The following GMDS variants were observed in gnomAD, a reference collection of about 807,000 sequenced individuals.
GMDS encodes GDP-mannose 4,6-dehydratase.
GMDS carries 20 observed loss-of-function variants against 49.9 expected under a neutral mutation model. The ratio of observed to expected loss-of-function variants is 0.40; its 90% CI spans 0.28 to 0.58. The LOEUF (loss-of-function observed/expected upper bound fraction) is 0.58, where lower values mean the gene tolerates loss of function less well. GMDS is among the 20% of genes least tolerant of loss of function. The pLI, the probability that GMDS is intolerant of heterozygous loss-of-function variation, is 0.42. For synonymous variants in GMDS, 177 were observed against 178.6 expected, an observed-to-expected ratio of 0.99 and a Z score of 0.07; for missense variants, 362 against 481.4, an observed-to-expected ratio of 0.75 and a Z score of 2.32.
intron 7 of GMDS, among the ~76,000 whole-genome samples, chr6:1,813,807 C>T (rs556165104): frequency 2.0e-5 from 3 of 152,136 alleles, no homozygotes; most frequent in East Asian, 3.9e-4. Flanking sequence ...CAACTAAATA[C>T]AGAATTATCC....
intron 7 of GMDS, among the ~76,000 whole-genome samples, chr6:1,903,176 G>A (rs1052070214): frequency 6.6e-6 from 1 of 152,164 alleles, no homozygotes; most frequent in African/African-American, 2.4e-5. Context: ...ATTAGTCTTT[G>A]ATGATGTCTT....
At chr6:2,138,326 T>C (rs184580546) in intron 1 of GMDS, among the ~76,000 whole-genome samples, 1 of 152,310 alleles carries the variant, frequency 6.6e-6, no homozygotes, top group Non-Finnish European at 1.5e-5. Context: ...TTTTGTGAAA[T>C]ATATTTTTGT....
intron 1 of GMDS, among the ~76,000 whole-genome samples, chr6:2,137,756 C>T (rs1400636974): frequency 6.6e-6 from 1 of 152,164 alleles, no homozygotes; most frequent in African/African-American, 2.4e-5. Flanking sequence ...TCCAGGACTC[C>T]ACCAACAAGT....
intron 7 of GMDS, among the ~76,000 whole-genome samples, chr6:1,792,895 C>A (rs1287896509): frequency 6.6e-6 from 1 of 152,148 alleles, no homozygotes; most frequent in African/African-American, 2.4e-5. Context: ...TTTGTTCATC[C>A]ACTGAGCTGG....
At chr6:2,168,882 A>G (rs1043116279) in intron 1 of GMDS, among the ~76,000 whole-genome samples, 8 of 152,244 alleles carry the variant, frequency 5.3e-5, no homozygotes, top group Non-Finnish European at 7.3e-5. Context: ...CCTTACAGCC[A>G]ACAAAGAACA....
In GMDS at chr6:1,774,969, G is replaced by A. The variant is rs144465398; in HGVS notation, c.772-32383C>T. Among the ~76,000 whole-genome samples the A allele has an allele frequency of 1.3e-3, 197 of 152,306 alleles. 1 individual carries two copies. The highest frequency in any genetic ancestry group is 4.5e-3 in the African/African-American group (185 of 41,568). On this transcript the variant is annotated intron_variant, in intron 7 of 10. Coordinates refer to ENST00000380815, the MANE Select transcript of GMDS (RefSeq NM_001500.4). ...TGAAGGGGATGAGAAATTTCCAAGC[G>A]GAGCCTGCTCGATGGCCTCCTGTCT...
At chr6:2,080,639 T>C (rs1010312321) in intron 4 of GMDS, among the ~76,000 whole-genome samples, 1 of 152,186 alleles carries the variant, frequency 6.6e-6, no homozygotes, top group Non-Finnish European at 1.5e-5. Context: ...TAGTGGAGGC[T>C]GTGGTAACGT....
intron 4 of GMDS, among the ~76,000 whole-genome samples, chr6:1,998,323 C>A (rs1204633199): frequency 6.6e-6 from 1 of 152,010 alleles, no homozygotes; most frequent in Non-Finnish European, 1.5e-5. Flanking sequence ...GCACAAACTC[C>A]TGGTAGAGTT....
At position 1,930,160 on chromosome 6, in the gene GMDS, G is replaced by GT; in HGVS notation, c.713_714insA (p.Phe238LeufsTer29). Reference sequence around the variant, plus strand: ...GTTTGGCATCCAGATTTCCCAAACTGAAACATTCCAGTTGTCCAAGGTAAA... The same window carrying GT: ...GTTTGGCATCCAGATTTCCCAAACTGTAAACATTCCAGTTGTCCAAGGTAAA... On this transcript the variant is annotated frameshift_variant, in exon 7 of 11. Transcript: ENST00000380815. LOFTEE classifies it high-confidence loss of function. The GT allele has an allele frequency of 6.2e-7, 1 of 1,612,748 alleles. No individual in the cohort carries two copies. The highest frequency in any genetic ancestry group is 8.5e-7 in the Non-Finnish European group (1 of 1,178,950).
intron 7 of GMDS, among the ~76,000 whole-genome samples, chr6:1,834,577 T>A (rs1756836322): frequency 6.6e-6 from 1 of 152,220 alleles, no homozygotes; most frequent in Admixed American, 6.5e-5. Context: ...TATGTTAAGC[T>A]TTTAACATAC....
chr6:1,713,831 G>C (rs1374562286), intron 9 of GMDS, among the ~76,000 whole-genome samples: 1 of 152,072 alleles, frequency 6.6e-6, no homozygotes, highest in Non-Finnish European at 1.5e-5. Context: ...CTCACTGTAA[G>C]TTAACAGTTT....
At chr6:2,006,509 T>A (rs931042025) in intron 4 of GMDS, among the ~76,000 whole-genome samples, 1 of 152,032 alleles carries the variant, frequency 6.6e-6, no homozygotes, top group Non-Finnish European at 1.5e-5. Context: ...AAGCGCTGGG[T>A]TCTAAATCTC....
chr6:1,663,461 C>T (rs1461612457), intron 9 of GMDS, among the ~76,000 whole-genome samples: 1 of 152,192 alleles, frequency 6.6e-6, no homozygotes, highest in Non-Finnish European at 1.5e-5. Flanking sequence ...GAGCAGGAAA[C>T]CAAGCTCCCT....
intron 1 of GMDS, among the ~76,000 whole-genome samples, chr6:2,239,075 TC>T (rs998681723): frequency 1.3e-5 from 2 of 152,170 alleles, no homozygotes; most frequent in Non-Finnish European, 2.9e-5. Context: ...ACGCCTATAA[TC>T]CCAGCACTTT....
intron 9 of GMDS, among the ~76,000 whole-genome samples, chr6:1,702,192 T>A (rs1403468727): frequency 1.3e-5 from 2 of 152,250 alleles, no homozygotes; most frequent in East Asian, 3.8e-4. Context: ...GGACTCCGAC[T>A]CTTCGTAAAG....
At position 2,233,654 on chromosome 6, in the gene GMDS, T is replaced by C. The variant is rs75334517; in HGVS notation, c.102+11667A>G. Among the ~76,000 whole-genome samples the C allele has an allele frequency of 9.1e-3, 1,377 of 152,126 alleles. 22 individuals carry two copies. Among genetic ancestry groups the C allele is most frequent in the African/African-American group, 0.031 (1,307 of 41,508 alleles). On this transcript the variant is annotated intron_variant, in intron 1 of 10. Coordinates refer to ENST00000380815, the MANE Select transcript of GMDS (RefSeq NM_001500.4). ...GGCCAACATGGAGAAACCCCAATTC[T>C]ACTAAAAATACAAAAATTAGCCAAG...
At chr6:1,912,852 A>T (rs552684846) in intron 7 of GMDS, among the ~76,000 whole-genome samples, 1 of 152,294 alleles carries the variant, frequency 6.6e-6, no homozygotes, top group Non-Finnish European at 1.5e-5. Flanking sequence ...CCTCATGCAC[A>T]CACCCCTCTG....
intron 9 of GMDS, among the ~76,000 whole-genome samples, chr6:1,724,825 C>T (rs531998581): frequency 7.2e-5 from 11 of 152,336 alleles, no homozygotes; most frequent in Admixed American, 5.9e-4. Flanking sequence ...GGCACACCCA[C>T]TCTCCATTAG....
intron 7 of GMDS, among the ~76,000 whole-genome samples, chr6:1,877,011 T>C (rs1283371227): frequency 2.0e-5 from 3 of 152,238 alleles, no homozygotes; most frequent in Admixed American, 6.5e-5. Context: ...GTTCTGGCTC[T>C]GGTCTCTGAC....
Sources: gnomAD v4.1 joint callset for allele counts (sites outside exome capture counted in the v4.1 genomes callset) on GRCh38, gnomAD v4.1.1 for gene constraint, MANE v1.5 for transcripts, NCBI Gene and HGNC (gene_info 2026-07-23, HGNC 2026-07-21) for gene names.